The following CADPS2 variants were observed in gnomAD, a reference collection of about 807,000 sequenced individuals.
CADPS2 encodes the protein calcium-dependent secretion activator 2.
A neutral mutation model predicts 172.5 loss-of-function variants in CADPS2; 93 were observed. That is an observed-to-expected ratio of 0.54 (90% CI 0.46 to 0.64). The LOEUF is 0.64. Ranked by LOEUF, CADPS2 falls within the 30% of genes least tolerant of loss-of-function variation. CADPS2 has a pLI of 0.00. For synonymous variants in CADPS2, 546 were observed against 555.2 expected (o/e 0.98, Z 0.23); for missense variants, 1,420 against 1,565.9 (o/e 0.91, Z 1.57).
At chr7:122,386,953 GCCTTGTGGAAAGGGCATTT>G in intron 24 of CADPS2, 54 bp downstream of exon 24, 1 of 1,459,262 alleles carries the variant, frequency 6.9e-7, no homozygotes, top group Non-Finnish European at 9.2e-7. Flanking sequence ...TCAAGAGAAT[GCCTTGTGGAAAGGGCATTT>G]CCCATGCCAA....
intron 2 of CADPS2, among the ~76,000 whole-genome samples, chr7:122,711,108 C>A (rs187723282): frequency 6.2e-4 from 95 of 152,148 alleles, no homozygotes; most frequent in African/African-American, 2.3e-3. Context: ...ATTACATTGA[C>A]AACAGTTGTC....
At chr7:122,665,037 C>T (rs2081045378) in intron 2 of CADPS2, among the ~76,000 whole-genome samples, 1 of 150,976 alleles carries the variant, frequency 6.6e-6, no homozygotes, top group African/African-American at 2.4e-5. Flanking sequence ...TAGGCTCAGG[C>T]AATCCTCCTG....
chr7:122,870,102 A>G (rs1178419365), intron 1 of CADPS2, among the ~76,000 whole-genome samples: 1 of 152,096 alleles, frequency 6.6e-6, no homozygotes, highest in African/African-American at 2.4e-5. Context: ...TTACCTATCA[A>G]TAATGACTTT....
chr7:122,586,752 C>A (rs2069762908), intron 6 of CADPS2, among the ~76,000 whole-genome samples: 1 of 151,912 alleles, frequency 6.6e-6, no homozygotes, highest in African/African-American at 2.4e-5. Context: ...AAAAAACACA[C>A]ATTCCTTAAT....
At chr7:122,528,504 CTCATG>C (rs2131257722) in intron 8 of CADPS2, among the ~76,000 whole-genome samples, 1 of 152,212 alleles carries the variant, frequency 6.6e-6, no homozygotes, top group Non-Finnish European at 1.5e-5. Flanking sequence ...CAGCTTCTCT[CTCATG>C]TATCTTTATT....
At chr7:122,532,108 C>A (rs1174278654) in intron 8 of CADPS2, among the ~76,000 whole-genome samples, 2 of 151,960 alleles carry the variant, frequency 1.3e-5, no homozygotes, top group African/African-American at 4.8e-5. Flanking sequence ...CTAGGCTATG[C>A]CCCGACATTG....
chr7:122,365,354 G>A (rs10275722), intron 25 of CADPS2, among the ~76,000 whole-genome samples: 3,289 of 152,280 alleles, frequency 0.022, 120 homozygotes, highest in African/African-American at 0.075. Context: ...ACCAGCTGAG[G>A]TGTACAGTTC....
intron 1 of CADPS2, among the ~76,000 whole-genome samples, chr7:122,800,991 CAA>C (rs34506571): frequency 1.9e-4 from 12 of 63,052 alleles, no homozygotes; most frequent in Non-Finnish European, 1.5e-4. Flanking sequence ...GACTCTGCCT[CAA>C]AAAAAAAAAA....
At chr7:122,741,833 G>C (rs750627785) in intron 1 of CADPS2, among the ~76,000 whole-genome samples, 1 of 152,050 alleles carries the variant, frequency 6.6e-6, no homozygotes, top group Non-Finnish European at 1.5e-5. Flanking sequence ...CACTATCTAA[G>C]ACAAAACAGA....
chr7:122,757,649 T>C (rs918809240), intron 1 of CADPS2, among the ~76,000 whole-genome samples: 2 of 151,612 alleles, frequency 1.3e-5, no homozygotes, highest in Non-Finnish European at 2.9e-5. Flanking sequence ...TGATCAACAC[T>C]CTAGTAACAC....
chr7:122,596,938 C>T (rs187340653), intron 6 of CADPS2, among the ~76,000 whole-genome samples: 1 of 152,136 alleles, frequency 6.6e-6, no homozygotes, highest in East Asian at 1.9e-4. Flanking sequence ...GTGAGGGCAT[C>T]AGGCTGCTTC....
chr7:122,409,236 A>C (rs1267933664), intron 19 of CADPS2, among the ~76,000 whole-genome samples: 1 of 152,244 alleles, frequency 6.6e-6, no homozygotes, highest in East Asian at 1.9e-4. Flanking sequence ...GAAGAACCTG[A>C]GATTCTCAGC....
chr7:122,757,538 C>T (rs2093215552), intron 1 of CADPS2, among the ~76,000 whole-genome samples: 1 of 152,036 alleles, frequency 6.6e-6, no homozygotes, highest in Non-Finnish European at 1.5e-5. Flanking sequence ...AAACTAAGAA[C>T]TCTCGTTCCT....
intron 25 of CADPS2, among the ~76,000 whole-genome samples, chr7:122,365,523 C>G (rs1563157900): frequency 6.6e-6 from 1 of 152,126 alleles, no homozygotes. Flanking sequence ...CCAAAGAAAC[C>G]CAGTTAAATG....
intron 1 of CADPS2, among the ~76,000 whole-genome samples, chr7:122,790,123 G>A (rs1438125285): frequency 1.3e-5 from 2 of 148,660 alleles, no homozygotes; most frequent in Admixed American, 6.8e-5. Flanking sequence ...AAGGCCAGGA[G>A]CAATGGCTCA....
chr7:122,417,407 T>C (rs2048048364), intron 17 of CADPS2, among the ~76,000 whole-genome samples: 1 of 152,190 alleles, frequency 6.6e-6, no homozygotes, highest in South Asian at 2.1e-4. Flanking sequence ...AGTAATTCTT[T>C]TGAAAAATCA....
At chr7:122,381,677 T>C (rs558613997) in intron 24 of CADPS2, among the ~76,000 whole-genome samples, 57 of 152,176 alleles carry the variant, frequency 3.7e-4, no homozygotes, top group African/African-American at 1.3e-3. Context: ...AATTCTCCTA[T>C]AATACACTCC....
chr7:122,770,187 C>G (rs1211455323), intron 1 of CADPS2, among the ~76,000 whole-genome samples: 1 of 152,116 alleles, frequency 6.6e-6, no homozygotes, highest in Non-Finnish European at 1.5e-5. Context: ...TGTGTACAGT[C>G]TGTTTATGCA....
intron 3 of CADPS2, among the ~76,000 whole-genome samples, chr7:122,636,605 A>T (rs2077091316): frequency 6.6e-6 from 1 of 151,602 alleles, no homozygotes; most frequent in Non-Finnish European, 1.5e-5. Flanking sequence ...AGCTGGGATT[A>T]CAGGTGCACA....
Sources: allele counts gnomAD v4.1 joint callset (sites outside exome capture counted in the v4.1 genomes callset), GRCh38; gene constraint gnomAD v4.1.1; transcripts MANE v1.5; gene names NCBI Gene and HGNC (gene_info 2026-07-23, HGNC 2026-07-21).